Variants in CTNND2 observed in about 807,000 individuals in gnomAD.
The protein encoded by CTNND2 is catenin delta-2.
A neutral mutation model predicts 144.4 loss-of-function variants in CTNND2; 22 were observed. The ratio of observed to expected loss-of-function variants is 0.15; its 90% CI spans 0.11 to 0.22. The LOEUF (loss-of-function observed/expected upper bound fraction) is 0.22. Among genes scored for constraint, CTNND2 ranks in the 10% least tolerant of loss-of-function variants. The probability of loss-of-function intolerance (pLI) is 1.00; values close to 1 mark genes in which losing one functional copy is unlikely to be tolerated. For missense variants in CTNND2, 1,353 were observed against 1,618.8 expected (o/e 0.84, Z 2.82); for synonymous variants, 751 against 695.6 (o/e 1.08, Z -1.25).
rs1738355103 is a variant in CTNND2, at chr5:10,988,954, T to C, written c.3212-712A>G. 6.6e-6 allele frequency among the ~76,000 whole-genome samples: 1 copy of C among 152,164 alleles called. No homozygotes were observed. The highest frequency in any genetic ancestry group is 2.4e-5 in the African/African-American group (1 of 41,422). ...TTACACCTCAGCCACTCACTGCCTG[T>C]CTGGCTGGGAGGCTGAGCCCTGCCG... is the stretch of plus-strand genomic sequence containing the variant. On this transcript the variant is annotated intron_variant, in intron 19 of 21. Transcript: ENST00000304623. The surrounding 1 kb of genome is among the most constrained non-coding windows in gnomAD (Gnocchi z 5.9).
intron 13 of CTNND2, among the ~76,000 whole-genome samples, chr5:11,111,870 G>A (rs1206369413): frequency 6.7e-6 from 1 of 149,698 alleles, no homozygotes; most frequent in Non-Finnish European, 1.5e-5. Context: ...TTTTTGAGAC[G>A]GAGTCTCGCT....
At chr5:11,642,301 T>G (rs1010054764) in intron 2 of CTNND2, among the ~76,000 whole-genome samples, 1 of 152,168 alleles carries the variant, frequency 6.6e-6, no homozygotes, top group African/African-American at 2.4e-5. Flanking sequence ...AGAACATAAA[T>G]AATATTATAA....
chr5:11,539,813 C>T (rs1774564831), intron 3 of CTNND2, among the ~76,000 whole-genome samples: 1 of 152,178 alleles, frequency 6.6e-6, no homozygotes, highest in Non-Finnish European at 1.5e-5. Context: ...GCAGGTGGAT[C>T]ACCTGAGGTC....
chr5:11,015,658 C>A (rs1741532409), intron 18 of CTNND2, among the ~76,000 whole-genome samples: 1 of 152,174 alleles, frequency 6.6e-6, no homozygotes, highest in Non-Finnish European at 1.5e-5. Flanking sequence ...AAGCTGCTTC[C>A]CTTCAATGCA....
intron 9 of CTNND2, among the ~76,000 whole-genome samples, chr5:11,245,644 T>C (rs961954817): frequency 6.6e-6 from 1 of 152,128 alleles, no homozygotes; most frequent in African/African-American, 2.4e-5. Context: ...CACAATGAAT[T>C]TCTGTTGGAT....
intron 13 of CTNND2, among the ~76,000 whole-genome samples, chr5:11,113,347 G>A (rs1019927407): frequency 6.6e-6 from 1 of 152,206 alleles, no homozygotes; most frequent in African/African-American, 2.4e-5. Context: ...ACAGCCGGTT[G>A]TGCATAATTG....
chr5:11,282,786 T>C (rs976427733), intron 9 of CTNND2, among the ~76,000 whole-genome samples: 2 of 152,242 alleles, frequency 1.3e-5, no homozygotes, highest in Non-Finnish European at 2.9e-5. Flanking sequence ...AAATTATTCC[T>C]TTTTATCTTC....
At chr5:11,160,982 A>T (rs954734073) in intron 11 of CTNND2, among the ~76,000 whole-genome samples, 5 of 152,248 alleles carry the variant, frequency 3.3e-5, no homozygotes, top group African/African-American at 9.6e-5. Context: ...TACAGAGGCA[A>T]ACTCAACTGT....
intron 16 of CTNND2, among the ~76,000 whole-genome samples, chr5:11,034,613 A>G (rs1580102033): frequency 6.6e-6 from 1 of 152,384 alleles, no homozygotes; most frequent in Non-Finnish European, 1.5e-5. Flanking sequence ...GTGAGGAGTC[A>G]CAGGCAGCTT....
rs147612972 is a variant in CTNND2 at position 11,321,570 on chromosome 5, G to T, written c.1628+24802C>A. Among the ~76,000 whole-genome samples, 835 of 152,308 alleles carry T rather than the reference G, an allele frequency of 5.5e-3. 5 individuals carry two copies. The highest frequency in any genetic ancestry group is 0.018 in the African/African-American group (762 of 41,562). On this transcript the variant is annotated intron_variant, in intron 9 of 21. Transcript: ENST00000304623. The stretch of plus-strand genomic sequence containing the variant: ...TATCAACCCAAGGCATCTTGAGAAT[G>T]ATGTATTAAAAATGTGAAGTAGGGA...
intron 20 of CTNND2, among the ~76,000 whole-genome samples, chr5:10,986,044 A>G (rs927112951): frequency 3.3e-5 from 5 of 152,208 alleles, no homozygotes; most frequent in Non-Finnish European, 5.9e-5. Context: ...ATAATATTCA[A>G]TAAAGATCTC....
chr5:10,984,157 A>G (rs1737645221), intron 20 of CTNND2, among the ~76,000 whole-genome samples: 1 of 152,104 alleles, frequency 6.6e-6, no homozygotes, highest in African/African-American at 2.4e-5. Context: ...TGTTTACCTT[A>G]TGTACTGTCT....
chr5:11,835,180 AT>A (rs1214811305), intron 1 of CTNND2, among the ~76,000 whole-genome samples: 1 of 152,120 alleles, frequency 6.6e-6, no homozygotes, highest in African/African-American at 2.4e-5. Flanking sequence ...GAAGAAAACA[AT>A]TTTTTTATAC....
intron 3 of CTNND2, among the ~76,000 whole-genome samples, chr5:11,467,554 ATT>A (rs1379980844): frequency 6.6e-6 from 1 of 152,200 alleles, no homozygotes; most frequent in African/African-American, 2.4e-5. Context: ...TTGAAATATA[ATT>A]TTGTTTGTTT....
intron 7 of CTNND2, among the ~76,000 whole-genome samples, chr5:11,365,257 C>T (rs1756866915): frequency 6.6e-6 from 1 of 152,112 alleles, no homozygotes; most frequent in Non-Finnish European, 1.5e-5. Flanking sequence ...GCCCTTGCAC[C>T]TTAAATTGTA....
At chr5:11,723,373 T>A (rs1352964714) in intron 2 of CTNND2, among the ~76,000 whole-genome samples, 1 of 152,208 alleles carries the variant, frequency 6.6e-6, no homozygotes, top group South Asian at 2.1e-4. Flanking sequence ...AGGTTGTTTA[T>A]AGAAAAAATT....
Position 11,470,202 on chromosome 5 carries a change from G to A in CTNND2, c.288-58133C>T, listed in dbSNP as rs190743842. 7.4e-4 allele frequency among the ~76,000 whole-genome samples: 113 copies of A among 152,220 alleles called. 1 individual carries two copies. The highest frequency in any genetic ancestry group is 2.6e-3 in the African/African-American group (110 of 41,524). On this transcript the variant is annotated intron_variant, in intron 3 of 21. Transcript: ENST00000304623. ...TGTAATCCTAGCACTTTGGGAGGCC[G>A]AGACAGGCGGATCACCTGAGGTCAG...
intron 3 of CTNND2, among the ~76,000 whole-genome samples, chr5:11,477,252 G>C (rs1456818668): frequency 6.6e-6 from 1 of 152,052 alleles, no homozygotes; most frequent in African/African-American, 2.4e-5. Context: ...CCTATTCTTA[G>C]AAAAGCAACT....
chr5:11,362,856 G>A (rs1328105567), intron 8 of CTNND2, among the ~76,000 whole-genome samples: 2 of 152,192 alleles, frequency 1.3e-5, no homozygotes, highest in East Asian at 3.8e-4. Flanking sequence ...GGGCCAGATA[G>A]TAAATATTCT....
Sources: allele counts gnomAD v4.1 joint callset (sites outside exome capture counted in the v4.1 genomes callset), GRCh38; gene constraint gnomAD v4.1.1; non-coding constraint Gnocchi (gnomAD v3.1); transcripts MANE v1.5; gene names NCBI Gene and HGNC (gene_info 2026-07-23, HGNC 2026-07-21).